SLC22A4: variants seen among roughly 807,000 people sequenced by gnomAD.
SLC22A4 encodes the protein ET transporter.
A neutral mutation model predicts 56.6 loss-of-function variants in SLC22A4; 39 were observed. That is an observed-to-expected ratio of 0.69 (90% confidence interval 0.53 to 0.90). The LOEUF is 0.90. SLC22A4 is among the 40% of genes least tolerant of loss of function. The probability of loss-of-function intolerance (pLI) is 0.00; values close to 1 mark genes in which losing one functional copy is unlikely to be tolerated. For missense variants in SLC22A4, 594 were observed against 696.5 expected (o/e 0.85, Z 1.66); for synonymous variants, 241 against 281.4 (o/e 0.86, Z 1.44).
rs369732593 is a variant in SLC22A4 at position 132,313,759 on chromosome 5, T to G, written c.643T>G (p.Phe215Val). The G allele has an allele frequency of 5.0e-6, 8 of 1,614,010 alleles. No individual in the cohort carries two copies. The African/African-American group carries it at 1.1e-4, about 22-fold the overall frequency. ...MGQISNYVVAFILGTEILGKS... is the reference protein window; with the variant it reads ...MGQISNYVVAVILGTEILGKS... ...CCAGATCTCCAACTATGTGGTAGCC[T>G]TCATACTAGGTAGGAATGGCTTCTG... Residue 215 changes from phenylalanine (F) to valine (V), a missense_variant, in exon 3 of 10, where the codon TTC (phenylalanine) becomes GTC (valine). Physicochemically the swap from Phe to Val is conservative, Grantham distance 50. Transcript: ENST00000200652.
rs4646201 is a variant in SLC22A4, at chr5:132,335,941, G to A, written c.1385G>A (p.Gly462Glu). The change falls in exon 8 of 10, where the codon GGG (glycine) becomes GAG (glutamate). Residue 462 changes from glycine to glutamate, a missense_variant. Transcript: ENST00000200652. ...ACCCTGGTCAGGAACATGGCGGTGG[G>A]GGTCACATCCACGGCCTCCAGAGTG... ...YPTLVRNMAVGVTSTASRVGS... is the reference protein window; with the variant it reads ...YPTLVRNMAVEVTSTASRVGS... 1.6e-5 allele frequency: 26 copies of A among 1,613,950 alleles called. No individual in the cohort carries two copies. In the East Asian group the frequency reaches 5.8e-4, roughly 36 times the overall value.
chr5:132,295,314 C>A, intron 1 of SLC22A4: 1 of 601,776 alleles, frequency 1.7e-6, no homozygotes, highest in Non-Finnish European at 3.2e-6. Context: ...TTGGGGGAAG[C>A]GCAGCCCCAG....
intron 1 of SLC22A4, among the ~76,000 whole-genome samples, chr5:132,300,046 T>C (rs564885269): frequency 6.6e-6 from 1 of 152,362 alleles, no homozygotes; most frequent in Non-Finnish European, 1.5e-5. Context: ...CAATCTGTGA[T>C]TGTTCCTTAG....
intron 1 of SLC22A4, among the ~76,000 whole-genome samples, chr5:132,300,342 G>A (rs1370607129): frequency 6.6e-6 from 1 of 152,042 alleles, no homozygotes; most frequent in Non-Finnish European, 1.5e-5. Context: ...ATATCTTAAG[G>A]GAGGTTCTTC....
rs1240685817 is a variant in SLC22A4 at position 132,344,185 on chromosome 5, C to T, written c.*350C>T. On this transcript the variant is annotated 3_prime_UTR_variant, in exon 10 of 10. Coordinates refer to ENST00000200652, the MANE Select transcript of SLC22A4 (RefSeq NM_003059.3). ...AATAAAAATAACATCATTGTATTAA[C>T]GCAAATATTAGGTGACAACAATGTG... 9 of 221,004 alleles carry T rather than the reference C, an allele frequency of 4.1e-5. No homozygotes were observed. The South Asian group carries it at 7.2e-4, about 18-fold the overall frequency. The allele number at this position is 221,004 out of a possible 1,614,324, so 13.7% of individuals were successfully genotyped here.
At chr5:132,306,697 C>T (rs555963932) in intron 1 of SLC22A4, among the ~76,000 whole-genome samples, 7 of 151,756 alleles carry the variant, frequency 4.6e-5, no homozygotes, top group Non-Finnish European at 8.8e-5. Context: ...CCACCCGCCT[C>T]GGCCTCCCAA....
chr5:132,303,751 C>T (rs904710770), intron 1 of SLC22A4, among the ~76,000 whole-genome samples: 6 of 152,176 alleles, frequency 3.9e-5, no homozygotes, highest in East Asian at 1.9e-4. Context: ...CTCATTCATA[C>T]GGCAGAGATT....
intron 1 of SLC22A4, among the ~76,000 whole-genome samples, chr5:132,307,784 G>A (rs541145058): frequency 1.3e-5 from 2 of 152,242 alleles, no homozygotes; most frequent in South Asian, 4.2e-4. Flanking sequence ...GTTCTTTGCT[G>A]AACACCAGGC....
rs1751294141 is a variant in SLC22A4, at chr5:132,344,072, G to A, written c.*237G>A. ...CTCATTAATTCAATGAAATGGATTGGTAAGATGTCTTGAAAACATGTTAGT... is the reference window on the plus strand; with the variant it reads ...CTCATTAATTCAATGAAATGGATTGATAAGATGTCTTGAAAACATGTTAGT... On this transcript the variant is annotated 3_prime_UTR_variant, in exon 10 of 10. Transcript: ENST00000200652. The A allele has an allele frequency of 2.1e-6, 1 of 479,238 alleles. No individual in the cohort carries two copies. Among genetic ancestry groups the A allele is most frequent in the African/African-American group, 2.0e-5 (1 of 51,206 alleles). 29.7% of individuals were successfully genotyped at this position (479,238 alleles called of 1,614,324 possible).
intron 1 of SLC22A4, among the ~76,000 whole-genome samples, chr5:132,308,275 CT>C (rs1424308076): frequency 6.6e-6 from 1 of 150,464 alleles, no homozygotes; most frequent in Non-Finnish European, 1.5e-5. Context: ...TGACCTTGAG[CT>C]TTGTGAGGGC....
Position 132,340,565 on chromosome 5 carries a change from G to A in SLC22A4, c.1445G>A (p.Gly482Asp). The A allele has an allele frequency of 6.2e-7, 1 of 1,613,928 alleles. No homozygotes were observed. Among genetic ancestry groups the A allele is most frequent in the South Asian group, 1.1e-5 (1 of 91,080 alleles). ...TGTTCTTATGTCCCGGGCTTTACAG[G>A]TGCTTACAACAGAATGCTGCCCTAC... Reference protein sequence around the residue: ...SIIAPYFVYLGAYNRMLPYIV... With the variant: ...SIIAPYFVYLDAYNRMLPYIV... The change falls in exon 9 of 10, where the codon GGT becomes GAT. Residue 482 changes from glycine to aspartate, a missense_variant and splice_region_variant. Physicochemically the swap from Gly to Asp is moderately conservative, Grantham distance 94. Coordinates refer to ENST00000200652, the MANE Select transcript of SLC22A4 (RefSeq NM_003059.3).
intron 1 of SLC22A4, chr5:132,295,477 A>G (rs1257100361): frequency 2.8e-6 from 1 of 359,862 alleles, no homozygotes; most frequent in Non-Finnish European, 5.4e-6. Flanking sequence ...CGTACCATAT[A>G]CTTGTGAGGT....
chr5:132,295,407 G>C, intron 1 of SLC22A4: 1 of 428,294 alleles, frequency 2.3e-6, no homozygotes, highest in Non-Finnish European at 4.6e-6. Flanking sequence ...GGGCAGGGCG[G>C]GGCCAAATCT....
At position 132,337,950 on chromosome 5, in the gene SLC22A4, G is replaced by A. The variant is rs557527540; in HGVS notation, c.1444+1950G>A. ...AGTAGAGATGGGGTTTCATCATATTGGTCAGGCTGGTCTCAAACCCCTGAC... is the reference window on the plus strand; with the variant it reads ...AGTAGAGATGGGGTTTCATCATATTAGTCAGGCTGGTCTCAAACCCCTGAC... On this transcript the variant is annotated intron_variant, in intron 8 of 9. Coordinates refer to ENST00000200652, the MANE Select transcript of SLC22A4 (RefSeq NM_003059.3). Among the ~76,000 whole-genome samples, 3 of 143,522 alleles carry A rather than the reference G, an allele frequency of 2.1e-5. No homozygotes were observed. The South Asian group carries it at 6.6e-4, about 32-fold the overall frequency. 94.2% of individuals were successfully genotyped at this position (143,522 alleles called of 152,430 possible).
At chr5:132,333,193 C>A (rs1377046255) in intron 6 of SLC22A4, among the ~76,000 whole-genome samples, 1 of 152,184 alleles carries the variant, frequency 6.6e-6, no homozygotes, top group Non-Finnish European at 1.5e-5. Flanking sequence ...CAAATTTCTA[C>A]ACAGGGGTGT....
At position 132,335,921 on chromosome 5, in the gene SLC22A4, G is replaced by A. The variant is rs776614713; in HGVS notation, c.1365G>A (p.Leu455=). The A allele has an allele frequency of 1.2e-6, 2 of 1,613,996 alleles. No homozygotes were observed. The change falls in exon 8 of 10, where the codon CTG becomes CTA. Residue 455 remains leucine (L), a synonymous_variant. Transcript: ENST00000200652. ...YVFTAELYPT[L]VRNMAVGVTS... ...TCACTGCTGAGCTCTACCCAACCCT[G>A]GTCAGGAACATGGCGGTGGGGGTCA...
At chr5:132,306,379 C>T (rs1442217543) in intron 1 of SLC22A4, among the ~76,000 whole-genome samples, 14 of 84,324 alleles carry the variant, frequency 1.7e-4, no homozygotes, top group South Asian at 9.1e-4. Flanking sequence ...AGACCCAAAC[C>T]GTGAAATATA....
In SLC22A4 at chr5:132,334,759, C is replaced by T. The variant is rs1379087309; in HGVS notation, c.1088C>T (p.Ala363Val). 1.9e-6 allele frequency: 3 copies of T among 1,613,922 alleles called. No individual in the cohort carries two copies. In the African/African-American group the frequency reaches 4.0e-5, roughly 22 times the overall value. The change falls in exon 7 of 10, where the codon GCT becomes GTT. Residue 363 changes from alanine (A) to valine (V), a missense_variant. Physicochemically the swap from Ala to Val is moderately conservative, Grantham distance 64. Coordinates refer to ENST00000200652, the MANE Select transcript of SLC22A4 (RefSeq NM_003059.3). ...GGTTACTTTGCTCTGTCTCTGGATG[C>T]TCCTAATTTACATGGAGATGCCTAC... ...SVGYFALSLD[A>V]PNLHGDAYLN...
At chr5:132,336,060 A>T (rs2126739259) in intron 8 of SLC22A4, 60 bp downstream of exon 8, 1 of 1,532,630 alleles carries the variant, frequency 6.5e-7, no homozygotes, top group South Asian at 1.1e-5. Flanking sequence ...TAAAAGTAAG[A>T]TTTTCATTGT....
Sources: gnomAD v4.1 joint callset for allele counts (sites outside exome capture counted in the v4.1 genomes callset) on GRCh38, gnomAD v4.1.1 for gene constraint, MANE v1.5 for transcripts, NCBI Gene and HGNC (gene_info 2026-07-23, HGNC 2026-07-21) for gene names.